Variants in ZNF827 observed in about 807,000 individuals in gnomAD.
The protein encoded by ZNF827 is zinc finger protein 827.
Under a neutral mutation model 102.4 loss-of-function variants are expected in ZNF827, and 13 were observed. That is an observed-to-expected ratio of 0.13 (90% CI 0.08 to 0.20). ZNF827 has a LOEUF of 0.20. Ranked by LOEUF, ZNF827 falls within the 10% of genes least tolerant of loss-of-function variation. ZNF827 has a pLI of 1.00. For synonymous variants in ZNF827, 523 were observed against 536.2 expected (o/e 0.98, Z 0.34); for missense variants, 1,103 against 1,344.4 (o/e 0.82, Z 2.81).
chr4:145,807,774 T>TA (rs146780172), intron 8 of ZNF827, among the ~76,000 whole-genome samples: 8,913 of 111,790 alleles, frequency 0.08, 265 homozygotes, highest in Middle Eastern at 0.12. Context: ...CAGGCTGCTT[T>TA]AAAAAAAAAA....
At chr4:145,920,718 A>C (rs771400368) in intron 1 of ZNF827, among the ~76,000 whole-genome samples, 5 of 152,182 alleles carry the variant, frequency 3.3e-5, no homozygotes, top group African/African-American at 4.8e-5. Context: ...TTGTTTATTC[A>C]TTCAGCAGTG....
intron 5 of ZNF827, among the ~76,000 whole-genome samples, chr4:145,854,148 G>A (rs7685277): frequency 0.17 from 25,646 of 151,660 alleles, 3,571 homozygotes; most frequent in East Asian, 0.64. Flanking sequence ...TAGGAGTTTG[G>A]AAGTCTTCCT....
intron 8 of ZNF827, among the ~76,000 whole-genome samples, chr4:145,795,073 G>A (rs900833797): frequency 3.9e-5 from 6 of 152,188 alleles, no homozygotes; most frequent in Non-Finnish European, 8.8e-5. Flanking sequence ...TTCTTCCCTC[G>A]AGATCCATGT....
At chr4:145,814,760 C>T (rs188895328) in intron 8 of ZNF827, among the ~76,000 whole-genome samples, 2,646 of 124,614 alleles carry the variant, frequency 0.021, 73 homozygotes, top group African/African-American at 0.077. Context: ...CCTGTCTCTA[C>T]TAAAAATACA....
intron 4 of ZNF827, among the ~76,000 whole-genome samples, chr4:145,874,565 C>CA (rs1748991152): frequency 1.3e-5 from 2 of 152,050 alleles, no homozygotes; most frequent in East Asian, 1.9e-4. Context: ...TCCCACTTTA[C>CA]AAAAAAACCC....
At chr4:145,796,880 C>A (rs1740440369) in intron 8 of ZNF827, among the ~76,000 whole-genome samples, 1 of 152,170 alleles carries the variant, frequency 6.6e-6, no homozygotes, top group Non-Finnish European at 1.5e-5. Flanking sequence ...ATCCACCAGC[C>A]TCGGCCTCCC....
At chr4:145,813,368 C>T (rs949765) in intron 8 of ZNF827, among the ~76,000 whole-genome samples, 44,236 of 152,052 alleles carry the variant, frequency 0.29, 6,750 homozygotes, top group Middle Eastern at 0.34. Context: ...TTAAATTGTT[C>T]TATTTCATTA....
At chr4:145,912,138 C>A (rs565586040) in intron 1 of ZNF827, among the ~76,000 whole-genome samples, 1 of 152,228 alleles carries the variant, frequency 6.6e-6, no homozygotes, top group South Asian at 2.1e-4. Flanking sequence ...ATCAAAGTGC[C>A]ATCAAGTACG....
chr4:145,843,547 C>T (rs142573985), intron 7 of ZNF827, among the ~76,000 whole-genome samples: 1 of 152,278 alleles, frequency 6.6e-6, no homozygotes. Flanking sequence ...CCTCCTCTTA[C>T]CTCTTCCTAG....
intron 1 of ZNF827, among the ~76,000 whole-genome samples, chr4:145,919,722 G>A (rs1752926039): frequency 6.6e-6 from 1 of 152,176 alleles, no homozygotes; most frequent in Admixed American, 6.5e-5. Flanking sequence ...ATACATGGTG[G>A]TCCTGCCAAG....
At chr4:145,766,243 C>G (rs1253321124) in intron 11 of ZNF827, among the ~76,000 whole-genome samples, 2 of 152,070 alleles carry the variant, frequency 1.3e-5, no homozygotes, top group Non-Finnish European at 2.9e-5. Context: ...GGGACCCTCT[C>G]CCTCAAAGCC....
Position 145,763,338 on chromosome 4 carries a change from C to G in ZNF827, c.3231-216G>C, listed in dbSNP as rs1734809608. ...CTCCCGTTATTTTCTTAAAGACACT[C>G]TCTCAGGCAAATTAATTCTCTGATA... On this transcript the variant is annotated intron_variant, in intron 13 of 14. Coordinates refer to ENST00000508784, the MANE Select transcript of ZNF827 (RefSeq NM_001306215.2). The surrounding 1 kb of genome is among the most constrained non-coding windows in gnomAD (Gnocchi z 4.6). 6.6e-6 allele frequency among the ~76,000 whole-genome samples: 1 copy of G among 152,364 alleles called. No homozygotes were observed. Among genetic ancestry groups the G allele is most frequent in the East Asian group, 1.9e-4 (1 of 5,192 alleles).
At chr4:145,886,204 GA>G in intron 3 of ZNF827, 46 bp from the exon 4 acceptor site, 1 of 1,538,620 alleles carries the variant, frequency 6.5e-7, no homozygotes, top group East Asian at 2.3e-5. Context: ...TGCATTTATG[GA>G]AAATGCCTTG....
At chr4:145,808,243 AC>A (rs1741678670) in intron 8 of ZNF827, among the ~76,000 whole-genome samples, 2 of 152,250 alleles carry the variant, frequency 1.3e-5, no homozygotes, top group South Asian at 4.2e-4. Flanking sequence ...CCATACTCTA[AC>A]AAAGACAGCC....
chr4:145,795,466 G>T (rs1458560009), intron 8 of ZNF827, among the ~76,000 whole-genome samples: 1 of 152,232 alleles, frequency 6.6e-6, no homozygotes, highest in Non-Finnish European at 1.5e-5. Flanking sequence ...GTTTTACAAT[G>T]AATTTTCGTC....
chr4:145,890,047 T>C (rs942523966), intron 3 of ZNF827, among the ~76,000 whole-genome samples: 12 of 151,810 alleles, frequency 7.9e-5, no homozygotes, highest in Non-Finnish European at 1.6e-4. Flanking sequence ...GCAGAGGATA[T>C]CTACCCATAA....
chr4:145,779,464 T>G lies in ZNF827; in HGVS notation c.2431A>C (p.Lys811Gln), dbSNP rs1376791145. Residue 811 changes from lysine to glutamine, a missense_variant, in exon 9 of 15, where the codon AAA becomes CAA. Transcript: ENST00000508784. ...LEAGNGLPSW[K>Q]FNDQLFPCDV... ...CAGGGAAAAAGCTGGTCATTGAATT[T>G]CCAGGATGGTAATCCATTTCCTGCC... 5 of 1,614,130 alleles carry G rather than the reference T, an allele frequency of 3.1e-6. No individual in the cohort carries two copies. The highest frequency in any genetic ancestry group is 4.2e-6 in the Non-Finnish European group (5 of 1,180,058).
chr4:145,810,594 T>TA, intron 8 of ZNF827, among the ~76,000 whole-genome samples: 1 of 152,370 alleles, frequency 6.6e-6, no homozygotes, highest in East Asian at 1.9e-4. Flanking sequence ...TATCCATGCA[T>TA]ATACAAGCTA....
intron 1 of ZNF827, among the ~76,000 whole-genome samples, chr4:145,915,714 TTCA>T (rs1471279681): frequency 6.6e-6 from 1 of 152,182 alleles, no homozygotes; most frequent in East Asian, 1.9e-4. Context: ...CTTAACTTCT[TTCA>T]TCATCAACTC....
Sources: gnomAD v4.1 joint callset for allele counts (sites outside exome capture counted in the v4.1 genomes callset) on GRCh38, gnomAD v4.1.1 for gene constraint, Gnocchi (gnomAD v3.1) non-coding constraint, MANE v1.5 for transcripts, NCBI Gene and HGNC (gene_info 2026-07-23, HGNC 2026-07-21) for gene names.